The following GRIK2 variants were observed in gnomAD, a reference collection of about 807,000 sequenced individuals.
GRIK2 encodes glutamate ionotropic receptor kainate type subunit 2, also known as glutamate receptor ionotropic, kainate 2.
A neutral mutation model predicts 100.3 loss-of-function variants in GRIK2; 32 were observed. The ratio of observed to expected loss-of-function variants is 0.32; its 90% CI spans 0.24 to 0.43. The LOEUF (loss-of-function observed/expected upper bound fraction) is 0.43, where lower values mean the gene tolerates loss of function less well. GRIK2 is among the 20% of genes least tolerant of loss of function. The pLI is 1.00. For synonymous variants in GRIK2, 417 were observed against 389.4 expected (o/e 1.07, Z -0.83); for missense variants, 843 against 1,114.9 (o/e 0.76, Z 3.47).
At chr6:101,661,920 C>G (rs1769649369) in intron 4 of GRIK2, among the ~76,000 whole-genome samples, 1 of 152,098 alleles carries the variant, frequency 6.6e-6, no homozygotes, top group African/African-American at 2.4e-5. Flanking sequence ...CGGCCATCTT[C>G]CCAGTTACCA....
chr6:101,981,714 C>A (rs148752886), intron 14 of GRIK2, among the ~76,000 whole-genome samples: 7 of 151,490 alleles, frequency 4.6e-5, no homozygotes, highest in Non-Finnish European at 7.4e-5. Context: ...TTGAACAAGG[C>A]CTTGCATGAG....
At chr6:101,854,234 C>G (rs1582386185) in intron 10 of GRIK2, among the ~76,000 whole-genome samples, 1 of 151,926 alleles carries the variant, frequency 6.6e-6, no homozygotes, top group Admixed American at 6.6e-5. Flanking sequence ...TGCTGTGAAC[C>G]TAAAATTGCT....
At chr6:101,677,919 A>G (rs1263938437) in intron 5 of GRIK2, among the ~76,000 whole-genome samples, 1 of 152,164 alleles carries the variant, frequency 6.6e-6, no homozygotes, top group African/African-American at 2.4e-5. Flanking sequence ...GATTTGAAAA[A>G]TTGCTATAGT....
chr6:101,772,549 A>C (rs1304152599), intron 7 of GRIK2, among the ~76,000 whole-genome samples: 3 of 151,990 alleles, frequency 2.0e-5, no homozygotes, highest in African/African-American at 7.2e-5. Flanking sequence ...AAATCCTTTA[A>C]TGTTTATCCT....
At chr6:101,745,436 A>T (rs944786830) in intron 7 of GRIK2, among the ~76,000 whole-genome samples, 4 of 152,198 alleles carry the variant, frequency 2.6e-5, no homozygotes, top group African/African-American at 9.6e-5. Flanking sequence ...CAATACAGTC[A>T]TGTATTGCTT....
chr6:101,437,188 T>A (rs1769770437), intron 2 of GRIK2, among the ~76,000 whole-genome samples: 1 of 152,036 alleles, frequency 6.6e-6, no homozygotes, highest in Admixed American at 6.6e-5. Context: ...ATAGACCACA[T>A]GGCTGACTTA....
intron 4 of GRIK2, among the ~76,000 whole-genome samples, chr6:101,645,811 G>T (rs187131663): frequency 5.3e-5 from 8 of 151,936 alleles, no homozygotes; most frequent in African/African-American, 1.7e-4. Flanking sequence ...AATGGTAATA[G>T]AATATTTTAA....
intron 14 of GRIK2, among the ~76,000 whole-genome samples, chr6:102,003,510 T>A (rs1795053988): frequency 6.6e-6 from 1 of 151,880 alleles, no homozygotes. Flanking sequence ...TTTATGTTGA[T>A]GGCATTAATC....
chr6:101,919,355 T>G (rs1055534293), intron 12 of GRIK2, among the ~76,000 whole-genome samples: 25 of 151,948 alleles, frequency 1.6e-4, no homozygotes, highest in African/African-American at 6.0e-4. Context: ...AGTTGACATG[T>G]CTTAAGCATA....
At chr6:101,630,842 A>T (rs1582858636) in intron 4 of GRIK2, among the ~76,000 whole-genome samples, 2 of 143,452 alleles carry the variant, frequency 1.4e-5, no homozygotes, top group South Asian at 2.3e-4. Flanking sequence ...CAAAACACAC[A>T]TGTGCTTTTT....
At chr6:101,729,141 C>T (rs1483983183) in intron 7 of GRIK2, among the ~76,000 whole-genome samples, 2 of 152,024 alleles carry the variant, frequency 1.3e-5, no homozygotes, top group Non-Finnish European at 2.9e-5. Context: ...GTAGAGTTGG[C>T]TTGCTTTCCT....
At chr6:101,458,164 A>T (rs1360241633) in intron 2 of GRIK2, among the ~76,000 whole-genome samples, 1 of 151,928 alleles carries the variant, frequency 6.6e-6, no homozygotes, top group African/African-American at 2.4e-5. Context: ...GTTGCATATT[A>T]TATATATTTT....
chr6:101,806,474 A>T (rs148718044), intron 9 of GRIK2, among the ~76,000 whole-genome samples: 1 of 152,148 alleles, frequency 6.6e-6, no homozygotes, highest in Non-Finnish European at 1.5e-5. Flanking sequence ...GCAGCCAGGC[A>T]GATATTTTTA....
chr6:101,623,029 G>A (rs1039845802), intron 3 of GRIK2, among the ~76,000 whole-genome samples: 1 of 151,870 alleles, frequency 6.6e-6, no homozygotes, highest in Non-Finnish European at 1.5e-5. Flanking sequence ...TTTTCTCAAA[G>A]GAAAAGGCTT....
intron 9 of GRIK2, among the ~76,000 whole-genome samples, chr6:101,810,298 C>T (rs901055492): frequency 1.3e-5 from 2 of 151,842 alleles, no homozygotes; most frequent in Non-Finnish European, 2.9e-5. Context: ...TTTAATTGTG[C>T]TTAGCATTAA....
At chr6:101,554,515 CA>C (rs1776651332) in intron 2 of GRIK2, among the ~76,000 whole-genome samples, 1 of 152,076 alleles carries the variant, frequency 6.6e-6, no homozygotes, top group East Asian at 1.9e-4. Flanking sequence ...ATAAAAAAAT[CA>C]CTCAAATCCC....
chr6:102,069,346 T>A lies in GRIK2; in HGVS notation c.*835T>A, dbSNP rs903767601. 5 of 147,988 alleles carry A rather than the reference T, an allele frequency of 3.4e-5. No homozygotes were observed. The highest frequency in any genetic ancestry group is 1.4e-4 in the Admixed American group (2 of 14,676). 9.2% of individuals were successfully genotyped at this position (147,988 alleles called of 1,614,324 possible). ...ATAATAATAATAATAATAAAAGCAG[T>A]TGGTTCAGTGATTCTGAATTAAAAG... On this transcript the variant is annotated 3_prime_UTR_variant, in exon 17 of 17. Transcript: ENST00000369134.
intron 14 of GRIK2, among the ~76,000 whole-genome samples, chr6:101,963,509 C>CTTTTTTTTTTTTTTTT (rs770178884): frequency 8.9e-4 from 94 of 106,080 alleles, no homozygotes; most frequent in African/African-American, 1.7e-3. Flanking sequence ...TTCTTTCTTT[C>CTTTTTTTTTTTTTTTT]TTTTTTTTTT....
intron 12 of GRIK2, among the ~76,000 whole-genome samples, chr6:101,920,355 C>A (rs913289936): frequency 6.6e-6 from 1 of 151,944 alleles, no homozygotes; most frequent in African/African-American, 2.4e-5. Flanking sequence ...CTCTATTTAG[C>A]ACCATTTCCT....
Sources: gnomAD v4.1 joint callset for allele counts (sites outside exome capture counted in the v4.1 genomes callset) on GRCh38, gnomAD v4.1.1 for gene constraint, MANE v1.5 for transcripts, NCBI Gene and HGNC (gene_info 2026-07-23, HGNC 2026-07-21) for gene names.